The following VWA3A variants were observed in gnomAD, a reference collection of about 807,000 sequenced individuals.
VWA3A encodes von Willebrand factor A domain-containing protein 3A.
Under a neutral mutation model 160.4 loss-of-function variants are expected in VWA3A, and 134 were observed. The ratio of observed to expected loss-of-function variants is 0.84; its 90% CI spans 0.73 to 0.96. The LOEUF is 0.96. Ranked by LOEUF, VWA3A falls within the 40% of genes least tolerant of loss-of-function variation. The pLI is 0.00. For synonymous variants in VWA3A, 476 were observed against 543.4 expected (o/e 0.88, Z 1.72); for missense variants, 1,310 against 1,447.9 (o/e 0.90, Z 1.55).
At chr16:22,119,917 C>A (rs1407890878) in intron 12 of VWA3A, among the ~76,000 whole-genome samples, 1 of 151,520 alleles carries the variant, frequency 6.6e-6, no homozygotes, top group African/African-American at 2.4e-5. Context: ...ACATGGGAGG[C>A]TGATTCAGGA....
At position 22,115,478 on chromosome 16, in the gene VWA3A, T is replaced by C. The variant is rs1598059315; in HGVS notation, c.815+6T>C. 8 of 1,600,768 alleles carry C rather than the reference T, an allele frequency of 5.0e-6. No individual in the cohort carries two copies. The highest frequency in any genetic ancestry group is 6.8e-6 in the Non-Finnish European group (8 of 1,175,512). Reference sequence around the variant, plus strand: ...GTGGCCATCATGAGAAGCTGGTAGGTCTTCTTTCCTAAGCAGGTGACATAC... The same window carrying C: ...GTGGCCATCATGAGAAGCTGGTAGGCCTTCTTTCCTAAGCAGGTGACATAC... On this transcript the variant is annotated splice_donor_region_variant and intron_variant, in intron 9 of 33. Coordinates refer to ENST00000389398, the MANE Select transcript of VWA3A (RefSeq NM_173615.5).
intron 1 of VWA3A, 37 bp from the exon 2 acceptor site, chr16:22,096,822 C>A: frequency 7.5e-7 from 1 of 1,330,470 alleles, no homozygotes; most frequent in Non-Finnish European, 1.1e-6. Flanking sequence ...CTGTATGCCA[C>A]ATTTATCCTG....
intron 25 of VWA3A, among the ~76,000 whole-genome samples, chr16:22,143,843 C>T (rs1018078142): frequency 6.6e-6 from 1 of 151,180 alleles, no homozygotes; most frequent in Middle Eastern, 3.2e-3. Context: ...TGGGTTCAAA[C>T]GATTCTCCTG....
At chr16:22,121,867 A>G (rs1406417163) in intron 14 of VWA3A, among the ~76,000 whole-genome samples, 1 of 152,060 alleles carries the variant, frequency 6.6e-6, no homozygotes, top group Non-Finnish European at 1.5e-5. Flanking sequence ...TCTCCTCCCA[A>G]CTCAGACAGG....
chr16:22,112,732 A>G (rs1397518528), intron 8 of VWA3A, among the ~76,000 whole-genome samples: 2 of 150,462 alleles, frequency 1.3e-5, no homozygotes, highest in African/African-American at 4.9e-5. Flanking sequence ...CCAAAAGTAA[A>G]AAGTTAAAAA....
intron 21 of VWA3A, among the ~76,000 whole-genome samples, chr16:22,136,390 G>A (rs1190107125): frequency 6.6e-6 from 1 of 152,128 alleles, no homozygotes; most frequent in Admixed American, 6.5e-5. Context: ...TCTGGGACAA[G>A]GGTGAGTTTG....
intron 7 of VWA3A, among the ~76,000 whole-genome samples, chr16:22,109,978 T>C (rs1339272121): frequency 6.6e-6 from 1 of 152,126 alleles, no homozygotes; most frequent in Non-Finnish European, 1.5e-5. Flanking sequence ...CAGCTCTAGT[T>C]TGAGAGAAGT....
chr16:22,146,694 A>G (rs1488233513), intron 27 of VWA3A, among the ~76,000 whole-genome samples: 3 of 151,952 alleles, frequency 2.0e-5, no homozygotes, highest in African/African-American at 7.2e-5. Context: ...TGAGGCAGGA[A>G]AATCGCAGAG....
chr16:22,127,285 C>T (rs2045867306), intron 17 of VWA3A, among the ~76,000 whole-genome samples: 1 of 145,352 alleles, frequency 6.9e-6, no homozygotes, highest in African/African-American at 2.7e-5. Flanking sequence ...CACCACCACA[C>T]CTGGCTAATC....
intron 9 of VWA3A, chr16:22,116,222 G>A: frequency 2.7e-6 from 1 of 375,306 alleles, no homozygotes; most frequent in South Asian, 2.0e-5. Context: ...GGAAGAGAAG[G>A]AAGGAAAGAG....
At chr16:22,110,235 G>A (rs1405307163) in intron 7 of VWA3A, among the ~76,000 whole-genome samples, 1 of 152,230 alleles carries the variant, frequency 6.6e-6, no homozygotes, top group Non-Finnish European at 1.5e-5. Context: ...TGCTTAGTGA[G>A]AAGTCTGGCC....
intron 25 of VWA3A, among the ~76,000 whole-genome samples, chr16:22,144,035 C>T (rs2046202551): frequency 2.0e-5 from 3 of 151,854 alleles, no homozygotes; most frequent in African/African-American, 4.8e-5. Context: ...CATGAGCCAC[C>T]GCGTCCAGCC....
At chr16:22,103,360 C>A in intron 5 of VWA3A, 115 bp from the exon 6 acceptor site, 1 of 945,064 alleles carries the variant, frequency 1.1e-6, no homozygotes. Flanking sequence ...TTCCAAGAAC[C>A]TATGCACATT....
chr16:22,098,834 GGA>G (rs1211385406), intron 3 of VWA3A, among the ~76,000 whole-genome samples: 1 of 150,500 alleles, frequency 6.6e-6, no homozygotes, highest in Non-Finnish European at 1.5e-5. Context: ...CAGCACTTTG[GGA>G]GGCCTAGATG....
At chr16:22,149,986 A>G (rs997596371) in intron 29 of VWA3A, 55 bp downstream of exon 29, 1 of 1,534,982 alleles carries the variant, frequency 6.5e-7, no homozygotes, top group Non-Finnish European at 8.8e-7. Flanking sequence ...ATCATCCCCT[A>G]TGCTGATGCT....
At chr16:22,120,113 G>A (rs141410717) in intron 12 of VWA3A, among the ~76,000 whole-genome samples, 1 of 152,066 alleles carries the variant, frequency 6.6e-6, no homozygotes, top group Non-Finnish European at 1.5e-5. Flanking sequence ...AACACTCTGA[G>A]GTAAGTATGT....
intron 12 of VWA3A, 36 bp from the exon 13 acceptor site, chr16:22,120,932 A>G (rs1226888337): frequency 6.2e-7 from 1 of 1,612,276 alleles, no homozygotes; most frequent in Non-Finnish European, 8.5e-7. Context: ...GCTCTAAAAT[A>G]TGATTATGTA....
At chr16:22,125,132 C>T (rs1314464820) in intron 16 of VWA3A, among the ~76,000 whole-genome samples, 1 of 151,302 alleles carries the variant, frequency 6.6e-6, no homozygotes, top group African/African-American at 2.4e-5. Flanking sequence ...ATTTCCAGTA[C>T]TTTGAGAGGC....
At chr16:22,125,726 T>C (rs1253214450) in intron 16 of VWA3A, among the ~76,000 whole-genome samples, 1 of 152,160 alleles carries the variant, frequency 6.6e-6, no homozygotes, top group Non-Finnish European at 1.5e-5. Context: ...CCCGGCCTTA[T>C]ATATTTGTTC....
Sources: allele counts gnomAD v4.1 joint callset (sites outside exome capture counted in the v4.1 genomes callset), GRCh38; gene constraint gnomAD v4.1.1; transcripts MANE v1.5; gene names NCBI Gene and HGNC (gene_info 2026-07-23, HGNC 2026-07-21).